Variants in CDH26 observed in about 807,000 individuals in gnomAD.
CDH26 encodes cadherin-like protein 26.
A neutral mutation model predicts 90.3 loss-of-function variants in CDH26; 83 were observed. That is an observed-to-expected ratio of 0.92 (90% CI 0.77 to 1.10). CDH26 has a LOEUF of 1.10. CDH26 is among the 50% of genes least tolerant of loss of function. CDH26 has a pLI of 0.00. For synonymous variants in CDH26, 397 were observed against 396.3 expected (o/e 1.00, Z -0.02); for missense variants, 1,013 against 1,037.6 (o/e 0.98, Z 0.33).
At chr20:59,981,406 T>C (rs2061393826) in intron 4 of CDH26, among the ~76,000 whole-genome samples, 1 of 152,204 alleles carries the variant, frequency 6.6e-6, no homozygotes, top group African/African-American at 2.4e-5. Context: ...CTTTGATTTC[T>C]TTCATCAGTG....
chr20:60,020,243 G>C (rs2061941892), intron 7 of CDH26, among the ~76,000 whole-genome samples: 1 of 152,194 alleles, frequency 6.6e-6, no homozygotes, highest in Non-Finnish European at 1.5e-5. Flanking sequence ...CCTGGGACAG[G>C]GACACAAGGC....
chr20:60,000,749 T>TTGTA (rs1363306075), intron 14 of CDH26, among the ~76,000 whole-genome samples: 1 of 152,200 alleles, frequency 6.6e-6, no homozygotes, highest in Admixed American at 6.5e-5. Context: ...CCTGCAAATA[T>TTGTA]TGTAGTAAGT....
Position 59,989,061 on chromosome 20 carries a change from C to T in CDH26, c.1181C>T (p.Pro394Leu). Residue 394 changes from proline (P) to leucine (L), a missense_variant, in exon 9 of 18, where the codon CCA becomes CTA. Coordinates refer to ENST00000348616, the MANE Select transcript of CDH26 (RefSeq NM_177980.4). ...CAGGTGACAGACGCCAACGACCCAC[C>T]AGCCTTTCACCCCCAGAGCTTCATT... ...SVQVTDANDP[P>L]AFHPQSFIVN... is the part of the protein sequence containing the mutation. The T allele has an allele frequency of 6.2e-7, 1 of 1,614,190 alleles. No individual in the cohort carries two copies. The highest frequency in any genetic ancestry group is 8.5e-7 in the Non-Finnish European group (1 of 1,180,048).
In CDH26 at chr20:59,958,441, G is replaced by T; in HGVS notation, c.-286G>T. On this transcript the variant is annotated 5_prime_UTR_variant, in exon 1 of 18. Transcript: ENST00000348616. ...AGACCCCAGCCAGTCTTTTGTGTAC[G>T]TGCAGGACCATGGTGGCTTTAGTTT... The T allele has an allele frequency of 2.6e-6, 1 of 385,726 alleles. No homozygotes were observed. Among genetic ancestry groups the T allele is most frequent in the Non-Finnish European group, 4.7e-6 (1 of 211,580 alleles). 23.9% of individuals were successfully genotyped at this position (385,726 alleles called of 1,614,324 possible). A position where few individuals can be genotyped will look rare whatever the true frequency, so the allele number is the denominator to read the frequency against.
At chr20:59,986,170 G>A (rs1258857371) in intron 7 of CDH26, 2 of 152,198 alleles carry the variant, frequency 1.3e-5, no homozygotes, top group African/African-American at 2.4e-5. Context: ...GATTCTAGAG[G>A]GAAGGTGAGC....
chr20:60,004,145 T>G (rs1325606577), intron 16 of CDH26, among the ~76,000 whole-genome samples: 2 of 152,212 alleles, frequency 1.3e-5, no homozygotes, highest in African/African-American at 2.4e-5. Flanking sequence ...TCCCTAGGGC[T>G]GCTTGTAGTG....
chr20:59,963,353 C>T (rs1024008892), intron 1 of CDH26, among the ~76,000 whole-genome samples: 7 of 149,150 alleles, frequency 4.7e-5, no homozygotes, highest in South Asian at 4.3e-4. Context: ...CAGACTCATG[C>T]GATCCTTCCA....
chr20:60,028,833 A>T (rs982486818), intron 7 of CDH26, among the ~76,000 whole-genome samples: 1 of 152,220 alleles, frequency 6.6e-6, no homozygotes, highest in African/African-American at 2.4e-5. Flanking sequence ...ATTTCTGAGG[A>T]TATATTCAAA....
intron 4 of CDH26, among the ~76,000 whole-genome samples, chr20:59,977,286 G>C (rs188821115): frequency 6.6e-6 from 1 of 152,218 alleles, no homozygotes; most frequent in African/African-American, 2.4e-5. Context: ...AGAATCCAGT[G>C]GTCTGACTGC....
At chr20:59,997,818 A>T (rs1379354045) in intron 13 of CDH26, among the ~76,000 whole-genome samples, 1 of 152,252 alleles carries the variant, frequency 6.6e-6, no homozygotes, top group African/African-American at 2.4e-5. Context: ...TGAACTTGAT[A>T]TGATGCTCCT....
rs368410700 is a variant in CDH26 at position 59,987,671 on chromosome 20, A to C, written c.1023+33A>C. 13 of 1,560,500 alleles carry C rather than the reference A, an allele frequency of 8.3e-6. No individual in the cohort carries two copies. The African/African-American group carries it at 1.8e-4, about 21-fold the overall frequency. On this transcript the variant is annotated intron_variant, in intron 8 of 17. Coordinates refer to ENST00000348616, the MANE Select transcript of CDH26 (RefSeq NM_177980.4). The stretch of plus-strand genomic sequence containing the variant: ...CATACCGGTGACATACCAACCAGTT[A>C]GTGGCAGACGCTGAGGCCTCTTCTG...
At chr20:59,959,142 C>T (rs2061035065) in intron 1 of CDH26, among the ~76,000 whole-genome samples, 1 of 152,152 alleles carries the variant, frequency 6.6e-6, no homozygotes, top group Non-Finnish European at 1.5e-5. Flanking sequence ...GCTTCATCAT[C>T]CAGGCTGGAG....
intron 7 of CDH26, among the ~76,000 whole-genome samples, chr20:60,031,015 G>T (rs1374265009): frequency 6.6e-6 from 1 of 152,224 alleles, no homozygotes; most frequent in African/African-American, 2.4e-5. Context: ...AGGGCTGCTG[G>T]TTGCACATTT....
downstream of CDH26, among the ~76,000 whole-genome samples, chr20:60,019,044 C>T (rs1017393186): frequency 2.0e-5 from 3 of 152,106 alleles, no homozygotes; most frequent in South Asian, 2.1e-4. Context: ...TCATCCAATT[C>T]TCTCCTGGCT....
chr20:59,963,109 T>C (rs2061097264), intron 1 of CDH26, among the ~76,000 whole-genome samples: 1 of 152,140 alleles, frequency 6.6e-6, no homozygotes, highest in Admixed American at 6.5e-5. Context: ...ATGATTGGGC[T>C]GTTGTGAGGA....
At chr20:60,035,172 A>G (rs781691608), downstream of CDH26, among the ~76,000 whole-genome samples, 33 of 152,238 alleles carry the variant, frequency 2.2e-4, no homozygotes, top group Non-Finnish European at 3.1e-4. Context: ...CGACTGTGTT[A>G]TAACTTAAGC....
chr20:60,007,876 G>A (rs573675903), intron 17 of CDH26, among the ~76,000 whole-genome samples: 184 of 152,252 alleles, frequency 1.2e-3, no homozygotes, highest in African/African-American at 4.2e-3. Flanking sequence ...GTTTGACTGC[G>A]CTGAAGGGGT....
chr20:59,961,292 G>T (rs1220565644), intron 1 of CDH26, among the ~76,000 whole-genome samples: 1 of 151,054 alleles, frequency 6.6e-6, no homozygotes. Flanking sequence ...TCTGAGGGTG[G>T]TTGGGTGGGG....
intron 7 of CDH26, among the ~76,000 whole-genome samples, chr20:60,025,734 G>C (rs2061991926): frequency 6.6e-6 from 1 of 152,322 alleles, no homozygotes; most frequent in South Asian, 2.1e-4. Context: ...ACTGAGAGGA[G>C]TATTAAGCAG....
Sources: allele counts gnomAD v4.1 joint callset (sites outside exome capture counted in the v4.1 genomes callset), GRCh38; gene constraint gnomAD v4.1.1; transcripts MANE v1.5; gene names NCBI Gene and HGNC (gene_info 2026-07-23, HGNC 2026-07-21).